Variants in FAM184B observed in about 807,000 individuals in gnomAD.
The protein encoded by FAM184B is protein FAM184B.
In FAM184B, 111 loss-of-function variants were observed where a neutral mutation model predicts 135.9. That is an observed-to-expected ratio of 0.82 (90% CI 0.70 to 0.96). The LOEUF is 0.96. Ranked by LOEUF, FAM184B falls within the 40% of genes least tolerant of loss-of-function variation. The pLI is 0.00. For missense variants in FAM184B, 1,375 were observed against 1,323.9 expected (o/e 1.04, Z -0.60); for synonymous variants, 552 against 524.8 (o/e 1.05, Z -0.71).
chr4:17,736,667 C>T (rs570853029), intron 1 of FAM184B, among the ~76,000 whole-genome samples: 32 of 152,278 alleles, frequency 2.1e-4, no homozygotes, highest in African/African-American at 7.7e-4. Context: ...ACAGGAGATA[C>T]AGGGTAAGTA....
intron 1 of FAM184B, among the ~76,000 whole-genome samples, chr4:17,763,560 C>A (rs1292700661): frequency 9.6e-6 from 1 of 103,892 alleles, no homozygotes; most frequent in African/African-American, 3.5e-5. Flanking sequence ...TGGACGGACA[C>A]ACTTTGGCAG....
chr4:17,750,551 T>G (rs1560193014), intron 1 of FAM184B, among the ~76,000 whole-genome samples: 1 of 152,222 alleles, frequency 6.6e-6, no homozygotes, highest in Non-Finnish European at 1.5e-5. Context: ...CTGGGCATTC[T>G]TGTATTTCAC....
chr4:17,646,202 C>T (rs539335147), intron 12 of FAM184B, among the ~76,000 whole-genome samples: 2,474 of 152,056 alleles, frequency 0.016, 81 homozygotes, highest in African/African-American at 0.057. Context: ...CTAGAAATAC[C>T]ATTTGACCCA....
chr4:17,761,243 G>C (rs1249396245), intron 1 of FAM184B, among the ~76,000 whole-genome samples: 2 of 148,944 alleles, frequency 1.3e-5, no homozygotes, highest in Non-Finnish European at 3.0e-5. Flanking sequence ...GAGACAGCAG[G>C]TCTCTCTCTC....
chr4:17,745,308 T>C (rs1202145371), intron 1 of FAM184B, among the ~76,000 whole-genome samples: 3 of 152,212 alleles, frequency 2.0e-5, no homozygotes, highest in African/African-American at 4.8e-5. Flanking sequence ...GAGAACCTGA[T>C]GTGGGGAGTA....
chr4:17,636,793 G>A (rs1240360238), intron 14 of FAM184B, 148 bp from the exon 15 acceptor site: 1 of 655,028 alleles, frequency 1.5e-6, no homozygotes, highest in Non-Finnish European at 2.5e-6. Flanking sequence ...AGGGCCCCCT[G>A]GGGAGATGGC....
At chr4:17,761,683 G>A (rs1297151698) in intron 1 of FAM184B, among the ~76,000 whole-genome samples, 1 of 152,144 alleles carries the variant, frequency 6.6e-6, no homozygotes, top group Non-Finnish European at 1.5e-5. Flanking sequence ...ACCATGCCCA[G>A]CTAATTTTTG....
At chr4:17,753,799 T>A (rs1718360746) in intron 1 of FAM184B, among the ~76,000 whole-genome samples, 1 of 152,222 alleles carries the variant, frequency 6.6e-6, no homozygotes, top group African/African-American at 2.4e-5. Flanking sequence ...GAGGGCGATC[T>A]CTGCATTGTG....
chr4:17,730,495 A>G (rs1398480532), intron 1 of FAM184B, among the ~76,000 whole-genome samples: 2 of 152,222 alleles, frequency 1.3e-5, no homozygotes, highest in Non-Finnish European at 2.9e-5. Flanking sequence ...GAAGGAAAAA[A>G]TGTTAAGGGC....
At chr4:17,717,816 T>G (rs1717429700) in intron 1 of FAM184B, among the ~76,000 whole-genome samples, 2 of 152,094 alleles carry the variant, frequency 1.3e-5, no homozygotes, top group African/African-American at 4.8e-5. Context: ...ACATAATATC[T>G]GTTGAGGGCC....
chr4:17,757,215 G>T (rs534151302), intron 1 of FAM184B, among the ~76,000 whole-genome samples: 1 of 152,246 alleles, frequency 6.6e-6, no homozygotes, highest in South Asian at 2.1e-4. Context: ...AACCCAAACT[G>T]TTGGAAACCC....
intron 5 of FAM184B, among the ~76,000 whole-genome samples, chr4:17,703,314 G>T (rs1577267636): frequency 6.6e-6 from 1 of 151,960 alleles, no homozygotes; most frequent in East Asian, 1.9e-4. Context: ...TGGGCAACAT[G>T]GTGAGATCCC....
intron 11 of FAM184B, 78 bp from the exon 12 acceptor site, chr4:17,647,869 G>GGC: frequency 6.9e-7 from 1 of 1,454,690 alleles, no homozygotes; most frequent in Non-Finnish European, 9.2e-7. Flanking sequence ...CAGTCTCTGG[G>GGC]GTGGGGTTGG....
intron 1 of FAM184B, among the ~76,000 whole-genome samples, chr4:17,766,018 G>A (rs993834625): frequency 1.3e-5 from 2 of 152,232 alleles, no homozygotes; most frequent in African/African-American, 4.8e-5. Context: ...CAACAGTGAA[G>A]CTGCAGACCT....
At chr4:17,772,484 A>G (rs1718841080) in intron 1 of FAM184B, among the ~76,000 whole-genome samples, 1 of 152,242 alleles carries the variant, frequency 6.6e-6, no homozygotes, top group South Asian at 2.1e-4. Context: ...ATGTATCTAC[A>G]GATAAATACC....
intron 1 of FAM184B, among the ~76,000 whole-genome samples, chr4:17,728,612 G>C (rs903994574): frequency 2.6e-5 from 4 of 152,098 alleles, no homozygotes; most frequent in Non-Finnish European, 4.4e-5. Flanking sequence ...GGCAACTAAG[G>C]GGCAGTAGGA....
At chr4:17,708,191 C>T (rs1717158874) in intron 2 of FAM184B, among the ~76,000 whole-genome samples, 1 of 152,110 alleles carries the variant, frequency 6.6e-6, no homozygotes, top group South Asian at 2.1e-4. Context: ...ACTTATTAGC[C>T]ATGTGCCAAT....
chr4:17,681,860 TCCTGGACTTC>T (rs1222409407), intron 7 of FAM184B, among the ~76,000 whole-genome samples: 4 of 152,200 alleles, frequency 2.6e-5, no homozygotes, highest in African/African-American at 9.7e-5. Context: ...TGGAATAGTT[TCCTGGACTTC>T]CCTGGACAGA....
chr4:17,723,578 A>G (rs1293141744), intron 1 of FAM184B, among the ~76,000 whole-genome samples: 1 of 152,154 alleles, frequency 6.6e-6, no homozygotes, highest in East Asian at 1.9e-4. Context: ...GGTCAAGTCC[A>G]CGGCCAGCCC....
Sources: allele counts gnomAD v4.1 joint callset (sites outside exome capture counted in the v4.1 genomes callset), GRCh38; gene constraint gnomAD v4.1.1; transcripts MANE v1.5; gene names NCBI Gene and HGNC (gene_info 2026-07-23, HGNC 2026-07-21).